TAS2R1: variants seen among roughly 807,000 people sequenced by gnomAD.
TAS2R1 encodes the protein taste 2 receptor member 1.
For synonymous variants in TAS2R1, 141 were observed against 134.2 expected (o/e 1.05, Z -0.35); for missense variants, 370 against 353.4 (o/e 1.05, Z -0.38).
the TAS2R1 span, among the ~76,000 whole-genome samples, chr5:9,770,074 T>A: frequency 6.6e-6 from 1 of 152,164 alleles, no homozygotes; most frequent in Admixed American, 6.5e-5. Context: ...CTTTAATCCA[T>A]TTTAGTTTGA....
chr5:9,717,569 G>A, the TAS2R1 span, among the ~76,000 whole-genome samples: 11 of 152,048 alleles, frequency 7.2e-5, no homozygotes, highest in African/African-American at 2.4e-4. Context: ...GGGTGAGAAA[G>A]GGATAATACC....
chr5:9,882,497 G>A, the TAS2R1 span, among the ~76,000 whole-genome samples: 2 of 152,138 alleles, frequency 1.3e-5, no homozygotes, highest in Non-Finnish European at 2.9e-5. Flanking sequence ...ATGGTGGCAG[G>A]TGCCTGTAAT....
intron 2 of TAS2R1, among the ~76,000 whole-genome samples, chr5:9,651,323 G>C (rs1740301666): frequency 6.6e-6 from 1 of 152,046 alleles, no homozygotes. Context: ...TAAATGATGG[G>C]GTAATTATTT....
the TAS2R1 span, among the ~76,000 whole-genome samples, chr5:9,840,644 G>A: frequency 6.6e-6 from 1 of 151,732 alleles, no homozygotes; most frequent in Non-Finnish European, 1.5e-5. Flanking sequence ...TACAGTCAAT[G>A]TTCATTTATA....
chr5:9,814,875 T>C, the TAS2R1 span, among the ~76,000 whole-genome samples: 1 of 152,202 alleles, frequency 6.6e-6, no homozygotes, highest in East Asian at 1.9e-4. Context: ...ATAAATTATC[T>C]CATTACTGAG....
intron 1 of TAS2R1, among the ~76,000 whole-genome samples, chr5:9,702,879 G>A (rs1207935248): frequency 6.6e-6 from 1 of 152,102 alleles, no homozygotes; most frequent in Admixed American, 6.6e-5. Flanking sequence ...AAGGAAGACA[G>A]AGGTAAGAGA....
the TAS2R1 span, among the ~76,000 whole-genome samples, chr5:9,824,335 T>C: frequency 3.9e-5 from 6 of 152,338 alleles, no homozygotes; most frequent in Middle Eastern, 3.4e-3. Flanking sequence ...TCTTTTCTGA[T>C]CTGGAACTTT....
chr5:9,693,891 TCAA>T (rs1319459513), intron 1 of TAS2R1, among the ~76,000 whole-genome samples: 1 of 152,166 alleles, frequency 6.6e-6, no homozygotes, highest in East Asian at 1.9e-4. Flanking sequence ...GTTGTTATGC[TCAA>T]CAACAATTTA....
At chr5:9,692,040 A>C (rs1459201152) in intron 1 of TAS2R1, among the ~76,000 whole-genome samples, 2 of 152,152 alleles carry the variant, frequency 1.3e-5, no homozygotes, top group East Asian at 3.9e-4. Flanking sequence ...CCCCATGAAG[A>C]GGAGCCATGG....
At chr5:9,861,319 C>T in the TAS2R1 span, among the ~76,000 whole-genome samples, 6 of 152,054 alleles carry the variant, frequency 3.9e-5, no homozygotes, top group Admixed American at 2.6e-4. Context: ...TCTCCATGAT[C>T]ATTTAAGGCT....
At chr5:9,903,162 C>A in the TAS2R1 span, among the ~76,000 whole-genome samples, 2 of 151,960 alleles carry the variant, frequency 1.3e-5, no homozygotes, top group African/African-American at 4.8e-5. Flanking sequence ...CCTTGTTCTG[C>A]TATCAAACAG....
At chr5:9,707,268 C>T (rs1222062082) in intron 1 of TAS2R1, among the ~76,000 whole-genome samples, 2 of 152,124 alleles carry the variant, frequency 1.3e-5, no homozygotes, top group Admixed American at 1.3e-4. Flanking sequence ...TCCATGAGTC[C>T]TGCAGACTCC....
chr5:9,732,231 C>T, the TAS2R1 span, among the ~76,000 whole-genome samples: 3 of 152,130 alleles, frequency 2.0e-5, no homozygotes, highest in Non-Finnish European at 2.9e-5. Flanking sequence ...GAAGCAAGGA[C>T]GAGGGCAGCC....
At chr5:9,639,096 C>A (rs1036018807) in intron 2 of TAS2R1, among the ~76,000 whole-genome samples, 2 of 152,198 alleles carry the variant, frequency 1.3e-5, no homozygotes, top group Non-Finnish European at 2.9e-5. Flanking sequence ...CTTATGCCTG[C>A]AGCAGCTCCC....
the TAS2R1 span, among the ~76,000 whole-genome samples, chr5:9,858,641 A>C: frequency 6.6e-6 from 1 of 152,262 alleles, no homozygotes; most frequent in Non-Finnish European, 1.5e-5. Context: ...ATCTTTAAAA[A>C]GCAATGATAT....
chr5:9,631,782 G>A (rs1178247205), upstream of TAS2R1, among the ~76,000 whole-genome samples: 32 of 152,236 alleles, frequency 2.1e-4, no homozygotes, highest in South Asian at 1.7e-3. Flanking sequence ...AAAATTAGTC[G>A]TGAGAGTAAA....
At chr5:9,737,225 G>A in the TAS2R1 span, among the ~76,000 whole-genome samples, 1 of 152,146 alleles carries the variant, frequency 6.6e-6, no homozygotes, top group Non-Finnish European at 1.5e-5. Context: ...CCTCCTACTA[G>A]AAGAACCCAG....
chr5:9,868,121 T>C, the TAS2R1 span, among the ~76,000 whole-genome samples: 1 of 152,194 alleles, frequency 6.6e-6, no homozygotes, highest in African/African-American at 2.4e-5. Flanking sequence ...AGGTGCATGG[T>C]GCAAGCTGTT....
the TAS2R1 span, among the ~76,000 whole-genome samples, chr5:9,761,956 G>A: frequency 6.6e-6 from 1 of 152,158 alleles, no homozygotes; most frequent in Non-Finnish European, 1.5e-5. Context: ...ATGCAGCAGT[G>A]GAAGCTGAGC....
Sources: gnomAD v4.1 joint callset for allele counts (sites outside exome capture counted in the v4.1 genomes callset) on GRCh38, gnomAD v4.1.1 for gene constraint, MANE v1.5 for transcripts, NCBI Gene and HGNC (gene_info 2026-07-23, HGNC 2026-07-21) for gene names.